The following SYT16 variants were observed in gnomAD, a reference collection of about 807,000 sequenced individuals.
SYT16 encodes synaptotagmin-16.
SYT16 carries 42 observed loss-of-function variants against 61.4 expected under a neutral mutation model. The ratio of observed to expected loss-of-function variants is 0.68; its 90% CI spans 0.53 to 0.89. The LOEUF is 0.89. Among genes scored for constraint, SYT16 ranks in the 40% least tolerant of loss-of-function variants. SYT16 has a pLI of 0.00. For synonymous variants in SYT16, 314 were observed against 302.3 expected (o/e 1.04, Z -0.40); for missense variants, 804 against 807.3 (o/e 1.00, Z 0.05).
intron 3 of SYT16, among the ~76,000 whole-genome samples, chr14:62,051,244 C>T (rs2055277033): frequency 6.6e-6 from 1 of 152,252 alleles, no homozygotes; most frequent in East Asian, 1.9e-4. Flanking sequence ...ATGAGCGAGG[C>T]TGTGTCGGCT....
At position 62,112,368 on chromosome 14, in the gene SYT16, A is replaced by G. The variant is rs1224014181; in HGVS notation, c.*11661A>G. ...ATTTCTGTATTAGATATTTAAATGC[A>G]TGAGGATAAATTCTAATTGCTTTTT... On this transcript the variant is annotated 3_prime_UTR_variant, in exon 8 of 8. Transcript: ENST00000683842. 2 of 152,166 alleles carry G rather than the reference A, an allele frequency of 1.3e-5. No individual in the cohort carries two copies. Among genetic ancestry groups the G allele is most frequent in the Non-Finnish European group, 2.9e-5 (2 of 67,996 alleles). 9.4% of individuals were successfully genotyped at this position (152,166 alleles called of 1,614,324 possible).
chr14:62,014,224 C>A (rs1384035104), intron 3 of SYT16, among the ~76,000 whole-genome samples: 1 of 152,152 alleles, frequency 6.6e-6, no homozygotes, highest in African/African-American at 2.4e-5. Context: ...TGACAGATAT[C>A]ACATACATGT....
intron 3 of SYT16, among the ~76,000 whole-genome samples, chr14:62,022,921 A>G (rs1467722307): frequency 6.6e-6 from 1 of 152,098 alleles, no homozygotes; most frequent in African/African-American, 2.4e-5. Context: ...CAGATTCTAC[A>G]TCTCTATTTA....
intron 1 of SYT16, among the ~76,000 whole-genome samples, chr14:61,880,075 A>G (rs1047790722): frequency 4.6e-5 from 7 of 152,230 alleles, no homozygotes; most frequent in African/African-American, 1.7e-4. Context: ...CTCTGTCTGC[A>G]GATGAAATGT....
At chr14:62,019,274 A>G (rs1182155652) in intron 3 of SYT16, among the ~76,000 whole-genome samples, 1 of 152,242 alleles carries the variant, frequency 6.6e-6, no homozygotes, top group African/African-American at 2.4e-5. Flanking sequence ...TCTTAAAAGA[A>G]TTGGGGAATG....
chr14:61,974,026 A>T (rs1371369403), intron 2 of SYT16, among the ~76,000 whole-genome samples: 1 of 152,124 alleles, frequency 6.6e-6, no homozygotes, highest in Non-Finnish European at 1.5e-5. Flanking sequence ...TTGTGGCAGG[A>T]GACTGCCTCA....
intron 1 of SYT16, among the ~76,000 whole-genome samples, chr14:61,841,803 A>C (rs2046308280): frequency 6.6e-6 from 1 of 152,198 alleles, no homozygotes; most frequent in African/African-American, 2.4e-5. Flanking sequence ...GTTCCTTAAG[A>C]TAATGGCCTC....
chr14:61,911,207 G>T (rs1226789181), intron 1 of SYT16, among the ~76,000 whole-genome samples: 1 of 152,170 alleles, frequency 6.6e-6, no homozygotes, highest in Non-Finnish European at 1.5e-5. Context: ...ACCCTGAAAT[G>T]GTTGCAGAGG....
chr14:61,968,424 A>G (rs550436841), intron 1 of SYT16, among the ~76,000 whole-genome samples: 48 of 152,310 alleles, frequency 3.2e-4, no homozygotes, highest in African/African-American at 1.2e-3. Context: ...AAGACACTGC[A>G]TTCACAAGGG....
intron 7 of SYT16, among the ~76,000 whole-genome samples, chr14:62,090,932 A>C (rs1461516351): frequency 6.6e-6 from 1 of 152,152 alleles, no homozygotes; most frequent in African/African-American, 2.4e-5. Flanking sequence ...AAACCATCAG[A>C]TCTCATGAGA....
At chr14:61,954,256 T>G (rs1231115123) in intron 1 of SYT16, among the ~76,000 whole-genome samples, 1 of 152,186 alleles carries the variant, frequency 6.6e-6, no homozygotes, top group Non-Finnish European at 1.5e-5. Context: ...TCAGCTTCCT[T>G]TAATCTTATT....
chr14:61,964,332 C>G (rs1463488335), intron 1 of SYT16, among the ~76,000 whole-genome samples: 1 of 152,062 alleles, frequency 6.6e-6, no homozygotes. Context: ...TCAATATTAA[C>G]AAGAGTTTGG....
chr14:61,887,385 G>A (rs1313970130), intron 1 of SYT16, among the ~76,000 whole-genome samples: 1 of 152,226 alleles, frequency 6.6e-6, no homozygotes, highest in Non-Finnish European at 1.5e-5. Flanking sequence ...TGGCCAGTGA[G>A]CACTGGCTTC....
intron 3 of SYT16, among the ~76,000 whole-genome samples, chr14:62,048,528 GTGTT>G (rs1309495866): frequency 6.6e-6 from 1 of 152,116 alleles, no homozygotes; most frequent in African/African-American, 2.4e-5. Context: ...GCTTTTGAAT[GTGTT>G]TGCTCTTGCT....
At chr14:62,096,044 A>T (rs2057263356) in intron 7 of SYT16, among the ~76,000 whole-genome samples, 1 of 152,004 alleles carries the variant, frequency 6.6e-6, no homozygotes, top group South Asian at 2.1e-4. Context: ...CCATATACAA[A>T]ATTTAGATCC....
At chr14:61,958,178 A>G (rs2610535) in intron 1 of SYT16, among the ~76,000 whole-genome samples, 115,384 of 151,242 alleles carry the variant, frequency 0.76, 44,642 homozygotes, top group African/African-American at 0.89. Flanking sequence ...TTTTTTCTTA[A>G]TTCAGCTAAG....
intron 3 of SYT16, among the ~76,000 whole-genome samples, chr14:62,045,563 T>C (rs2054938382): frequency 6.6e-6 from 1 of 152,146 alleles, no homozygotes; most frequent in African/African-American, 2.4e-5. Context: ...TAACTCGTCA[T>C]TTAACATTAG....
At chr14:61,974,419 C>T (rs1304340257) in intron 2 of SYT16, among the ~76,000 whole-genome samples, 3 of 152,172 alleles carry the variant, frequency 2.0e-5, no homozygotes, top group Non-Finnish European at 4.4e-5. Context: ...GTCTTGAAAT[C>T]CTTAGTGATT....
chr14:62,009,059 C>G (rs1346685412), intron 3 of SYT16, among the ~76,000 whole-genome samples: 1 of 152,166 alleles, frequency 6.6e-6, no homozygotes, highest in Non-Finnish European at 1.5e-5. Context: ...TCCTTCCCTT[C>G]CCTTGCTTTA....
Sources: allele counts gnomAD v4.1 joint callset (sites outside exome capture counted in the v4.1 genomes callset), GRCh38; gene constraint gnomAD v4.1.1; transcripts MANE v1.5; gene names NCBI Gene and HGNC (gene_info 2026-07-23, HGNC 2026-07-21).